The following DCC variants were observed in gnomAD, a reference collection of about 807,000 sequenced individuals.
DCC encodes DCC netrin 1 receptor, also known as netrin receptor DCC.
DCC carries 58 observed loss-of-function variants against 172.5 expected under a neutral mutation model. That is an observed-to-expected ratio of 0.34 (90% CI 0.27 to 0.42). The LOEUF is 0.42. Among genes scored for constraint, DCC ranks in the 10% least tolerant of loss-of-function variants. The pLI is 1.00. For synonymous variants in DCC, 709 were observed against 644.5 expected (o/e 1.10, Z -1.52); for missense variants, 1,740 against 1,791.0 (o/e 0.97, Z 0.51).
intron 13 of DCC, among the ~76,000 whole-genome samples, chr18:53,313,276 C>T (rs950982355): frequency 7.2e-5 from 11 of 151,982 alleles, no homozygotes; most frequent in African/African-American, 2.4e-4. Context: ...GACAGAGTCT[C>T]GCTCTGTGGC....
rs575359050 is a variant in DCC, at chr18:52,427,398, A to AGAAGGAAAAAGGAGGATATGGAAG, written c.91+86529_91+86552dup. On this transcript the variant is annotated intron_variant, in intron 1 of 28. Coordinates refer to ENST00000442544, the MANE Select transcript of DCC (RefSeq NM_005215.4). Reference sequence around the variant, plus strand: ...TAAAATCTTTTAAGAAGGAAGGAAGAGAAGGAAAAAGGAGGATATGGAAGG... The same window carrying AGAAGGAAAAAGGAGGATATGGAAG: ...TAAAATCTTTTAAGAAGGAAGGAAGAGAAGGAAAAAGGAGGATATGGAAGGAAGGAAAAAGGAGGATATGGAAGG... Among the ~76,000 whole-genome samples the AGAAGGAAAAAGGAGGATATGGAAG allele has an allele frequency of 2.9e-3, 435 of 152,152 alleles. 4 individuals are homozygous for AGAAGGAAAAAGGAGGATATGGAAG. Among genetic ancestry groups the AGAAGGAAAAAGGAGGATATGGAAG allele is most frequent in the African/African-American group, 0.01 (417 of 41,530 alleles).
At chr18:53,247,384 G>A (rs2056377792) in intron 12 of DCC, among the ~76,000 whole-genome samples, 2 of 151,926 alleles carry the variant, frequency 1.3e-5, no homozygotes, top group Non-Finnish European at 2.9e-5. Context: ...AAAATTTGGT[G>A]CAAAGGTGGC....
rs188944704 is a variant in DCC at position 52,705,242 on chromosome 18, A to G, written c.92-46812A>G. 7.2e-5 allele frequency among the ~76,000 whole-genome samples: 11 copies of G among 152,326 alleles called. No homozygotes were observed. The East Asian group carries it at 2.1e-3, about 29-fold the overall frequency. On this transcript the variant is annotated intron_variant, in intron 1 of 28. Transcript: ENST00000442544. ...CTCAGATGAAGATGAGTCTCCTAATATGATTCCTAAAAATTCCTGGTTTTC... is the reference window on the plus strand; with the variant it reads ...CTCAGATGAAGATGAGTCTCCTAATGTGATTCCTAAAAATTCCTGGTTTTC...
At position 52,752,293 on chromosome 18, in the gene DCC, G is replaced by T; in HGVS notation, c.331G>T (p.Asp111Tyr). Residue 111 changes from aspartate to tyrosine, a missense_variant, in exon 2 of 29, where the codon GAT becomes TAT. Asp to Tyr is a radical substitution (Grantham distance 160). Coordinates refer to ENST00000442544, the MANE Select transcript of DCC (RefSeq NM_005215.4). ...ACTTCATTCCAGACACCACAAGCCAGATGAGGGACTTTACCAATGTGAGGC... is the reference window on the plus strand; with the variant it reads ...ACTTCATTCCAGACACCACAAGCCATATGAGGGACTTTACCAATGTGAGGC... Reference protein sequence around the residue: ...NILHSRHHKPDEGLYQCEASL... With the variant: ...NILHSRHHKPYEGLYQCEASL... 1 of 1,614,178 alleles carries T rather than the reference G, an allele frequency of 6.2e-7. No homozygotes were observed. Among genetic ancestry groups the T allele is most frequent in the Non-Finnish European group, 8.5e-7 (1 of 1,180,024 alleles).
chr18:53,430,804 AG>A (rs1358357655), intron 21 of DCC, among the ~76,000 whole-genome samples: 1 of 152,190 alleles, frequency 6.6e-6, no homozygotes, highest in African/African-American at 2.4e-5. Context: ...GTTAGCACAA[AG>A]GAATATAACA....
At chr18:52,483,893 A>G (rs974136032) in intron 1 of DCC, among the ~76,000 whole-genome samples, 1 of 151,626 alleles carries the variant, frequency 6.6e-6, no homozygotes, top group African/African-American at 2.4e-5. Context: ...TCACCTGTTT[A>G]CTATTCTTTG....
intron 12 of DCC, among the ~76,000 whole-genome samples, chr18:53,223,498 C>T (rs555420096): frequency 6.6e-6 from 1 of 152,024 alleles, no homozygotes; most frequent in Non-Finnish European, 1.5e-5. Flanking sequence ...TCCCTCAAGT[C>T]ATACATTTTT....
intron 2 of DCC, among the ~76,000 whole-genome samples, chr18:52,901,804 A>G (rs1047839079): frequency 3.3e-5 from 5 of 152,332 alleles, no homozygotes; most frequent in East Asian, 3.9e-4. Context: ...AATGTTTTGT[A>G]TCTTTTTTCT....
intron 2 of DCC, among the ~76,000 whole-genome samples, chr18:52,838,451 A>G (rs933886051): frequency 6.6e-5 from 10 of 152,114 alleles, no homozygotes; most frequent in South Asian, 2.1e-4. Context: ...GTTGTACACA[A>G]TGTCAGTGAT....
chr18:53,483,571 G>A (rs1003264195), intron 25 of DCC, among the ~76,000 whole-genome samples: 1 of 151,770 alleles, frequency 6.6e-6, no homozygotes, highest in African/African-American at 2.4e-5. Flanking sequence ...CCTTGAACTG[G>A]AATCTACAAT....
intron 2 of DCC, among the ~76,000 whole-genome samples, chr18:52,799,131 A>G (rs924110369): frequency 6.6e-6 from 1 of 152,216 alleles, no homozygotes; most frequent in Non-Finnish European, 1.5e-5. Context: ...CTTAATACAT[A>G]TAGACATATT....
chr18:53,402,679 T>A, intron 18 of DCC, 107 bp from the exon 19 acceptor site: 1 of 858,270 alleles, frequency 1.2e-6, no homozygotes, highest in Admixed American at 1.7e-5. Flanking sequence ...ATAGACATGA[T>A]ATACTTCTTG....
chr18:53,436,036 G>C (rs1490083479), intron 22 of DCC, among the ~76,000 whole-genome samples: 2 of 152,130 alleles, frequency 1.3e-5, no homozygotes, highest in Non-Finnish European at 2.9e-5. Flanking sequence ...CATCAGCAAG[G>C]TTAAGATATG....
Position 52,541,897 on chromosome 18 carries a change from G to GTA in DCC, c.91+201020_91+201021insAT, listed in dbSNP as rs1330162034. On this transcript the variant is annotated intron_variant, in intron 1 of 28. Coordinates refer to ENST00000442544, the MANE Select transcript of DCC (RefSeq NM_005215.4). ...TGTGTATATATATATATATATATATGTGTATATATATATGTACACAATCCT... is the reference window on the plus strand; with the variant it reads ...TGTGTATATATATATATATATATATGTATGTATATATATATGTACACAATCCT... 2.6e-3 allele frequency among the ~76,000 whole-genome samples: 115 copies of GTA among 43,426 alleles called. 1 individual carries two copies. The highest frequency in any genetic ancestry group is 7.1e-3 in the African/African-American group (85 of 11,960). The allele number at this position is 43,426 out of a possible 152,430, so 28.5% of individuals were successfully genotyped here.
chr18:52,354,459 T>C (rs1486606105), intron 1 of DCC, among the ~76,000 whole-genome samples: 1 of 152,196 alleles, frequency 6.6e-6, no homozygotes, highest in Middle Eastern at 3.2e-3. Flanking sequence ...TACCCTCTAA[T>C]CTTGTGGCAA....
intron 21 of DCC, among the ~76,000 whole-genome samples, chr18:53,429,048 AATATAT>A (rs1911391289): frequency 2.0e-4 from 4 of 19,542 alleles, no homozygotes; most frequent in South Asian, 3.3e-3. Context: ...TTTTATATAT[AATATAT>A]TATATATTTT....
At chr18:53,460,768 C>T (rs36197020) in intron 24 of DCC, among the ~76,000 whole-genome samples, 2,928 of 152,022 alleles carry the variant, frequency 0.019, 106 homozygotes, top group East Asian at 0.15. Context: ...TATAGCAGCA[C>T]GATTTATAGT....
intron 22 of DCC, among the ~76,000 whole-genome samples, chr18:53,439,769 C>CTTTTTTTTTTTTTTTT (rs1292726340): frequency 7.9e-6 from 1 of 127,214 alleles, no homozygotes; most frequent in Non-Finnish European, 1.7e-5. Context: ...TAGTATTTTT[C>CTTTTTTTTTTTTTTTT]TTTTTTTTTT....
chr18:52,834,536 T>C (rs548721218), intron 2 of DCC, among the ~76,000 whole-genome samples: 2 of 150,864 alleles, frequency 1.3e-5, no homozygotes, highest in African/African-American at 4.8e-5. Flanking sequence ...AAGGATTGCA[T>C]GGTGAGCTCG....
Sources: gnomAD v4.1 joint callset for allele counts (sites outside exome capture counted in the v4.1 genomes callset) on GRCh38, gnomAD v4.1.1 for gene constraint, MANE v1.5 for transcripts, NCBI Gene and HGNC (gene_info 2026-07-23, HGNC 2026-07-21) for gene names.